The following RIMBP2 variants were observed in gnomAD, a reference collection of about 807,000 sequenced individuals.
RIMBP2 encodes the protein RIMS binding protein 2.
In RIMBP2, 48 loss-of-function variants were observed where a neutral mutation model predicts 118.6. The ratio of observed to expected loss-of-function variants is 0.40; its 90% CI spans 0.32 to 0.51. The LOEUF (loss-of-function observed/expected upper bound fraction) is 0.51, where lower values mean the gene tolerates loss of function less well. RIMBP2 is among the 20% of genes least tolerant of loss of function. RIMBP2 has a pLI of 0.41. For synonymous variants in RIMBP2, 762 were observed against 742.9 expected, an observed-to-expected ratio of 1.03 and a Z score of -0.42; for missense variants, 1,551 against 1,768.3, an observed-to-expected ratio of 0.88 and a Z score of 2.20.
chr12:130,630,123 A>T (rs1402043578), intron 1 of RIMBP2, among the ~76,000 whole-genome samples: 17 of 152,008 alleles, frequency 1.1e-4, no homozygotes, highest in Admixed American at 1.1e-3. Flanking sequence ...TTTTAATGGC[A>T]GATTTGGATG....
At chr12:130,624,534 A>G (rs1319804897) in intron 2 of RIMBP2, among the ~76,000 whole-genome samples, 1 of 152,148 alleles carries the variant, frequency 6.6e-6, no homozygotes, top group Non-Finnish European at 1.5e-5. Flanking sequence ...AAGAAACACC[A>G]AACTCTTCAT....
At chr12:130,545,684 C>G (rs2055064990) in intron 2 of RIMBP2, among the ~76,000 whole-genome samples, 1 of 152,120 alleles carries the variant, frequency 6.6e-6, no homozygotes, top group Non-Finnish European at 1.5e-5. Flanking sequence ...GAGCCGCCGT[C>G]GAGTGTCACG....
At chr12:130,713,250 GA>G (rs1950081880) in intron 1 of RIMBP2, among the ~76,000 whole-genome samples, 2 of 148,366 alleles carry the variant, frequency 1.3e-5, no homozygotes, top group Non-Finnish European at 3.0e-5. Flanking sequence ...AGGAAGGAAG[GA>G]AGGAAGGAAG....
chr12:130,587,134 A>G (rs2140274316), intron 2 of RIMBP2, among the ~76,000 whole-genome samples: 1 of 150,940 alleles, frequency 6.6e-6, no homozygotes, highest in East Asian at 2.0e-4. Context: ...ATGAGATACC[A>G]TCTCACACCA....
At position 130,461,112 on chromosome 12, in the gene RIMBP2, G is replaced by T. The variant is rs185821699; in HGVS notation, c.154-4412C>A. 1.8e-3 allele frequency among the ~76,000 whole-genome samples: 271 copies of T among 152,258 alleles called. 1 individual carries two copies. The highest frequency in any genetic ancestry group is 6.3e-3 in the African/African-American group (260 of 41,544). On this transcript the variant is annotated intron_variant, in intron 6 of 22. Coordinates refer to ENST00000690449, the MANE Select transcript of RIMBP2 (RefSeq NM_001393629.1). ...CCAGGCTCCACCCGTGACACTAGGG[G>T]TCACATTTCCACATGAGATGTGGAT... is the stretch of plus-strand genomic sequence containing the variant.
chr12:130,544,511 AC>A (rs779982710), intron 2 of RIMBP2, among the ~76,000 whole-genome samples: 1 of 151,182 alleles, frequency 6.6e-6, no homozygotes, highest in African/African-American at 2.4e-5. Context: ...GCATCTTAGC[AC>A]GCTGGTCATG....
At chr12:130,704,184 C>T (rs554121300) in intron 1 of RIMBP2, among the ~76,000 whole-genome samples, 5 of 152,156 alleles carry the variant, frequency 3.3e-5, no homozygotes, top group Non-Finnish European at 4.4e-5. Flanking sequence ...GGACGAGGAC[C>T]GAGGAGGCAG....
chr12:130,674,328 A>T (rs912698911), intron 1 of RIMBP2, among the ~76,000 whole-genome samples: 1 of 152,162 alleles, frequency 6.6e-6, no homozygotes, highest in East Asian at 1.9e-4. Context: ...ACCATGAGCC[A>T]ATTACGCCTC....
At chr12:130,589,949 G>A (rs1183898517) in intron 2 of RIMBP2, among the ~76,000 whole-genome samples, 2 of 152,114 alleles carry the variant, frequency 1.3e-5, no homozygotes, top group Non-Finnish European at 2.9e-5. Flanking sequence ...TGAGGCACTG[G>A]CACGGCCCCC....
chr12:130,433,961 G>T (rs1199410072), intron 14 of RIMBP2, among the ~76,000 whole-genome samples: 1 of 152,212 alleles, frequency 6.6e-6, no homozygotes, highest in South Asian at 2.1e-4. Flanking sequence ...GATGAAGAAC[G>T]TCATGGCCGG....
intron 3 of RIMBP2, among the ~76,000 whole-genome samples, chr12:130,515,800 C>T (rs377497918): frequency 2.0e-5 from 3 of 152,100 alleles, no homozygotes; most frequent in East Asian, 1.9e-4. Flanking sequence ...CAGGTTCAAG[C>T]GATTCTCCTG....
intron 2 of RIMBP2, among the ~76,000 whole-genome samples, chr12:130,571,894 C>T (rs1486996572): frequency 6.6e-6 from 1 of 152,158 alleles, no homozygotes; most frequent in Non-Finnish European, 1.5e-5. Context: ...GTACATGCTG[C>T]CCCTTCCCAC....
intron 2 of RIMBP2, among the ~76,000 whole-genome samples, chr12:130,599,695 G>T (rs1359202532): frequency 6.6e-6 from 1 of 152,052 alleles, no homozygotes; most frequent in East Asian, 1.9e-4. Flanking sequence ...TAAATAATTT[G>T]GCAATTAACT....
At chr12:130,613,297 G>A (rs554993608) in intron 2 of RIMBP2, among the ~76,000 whole-genome samples, 1 of 152,310 alleles carries the variant, frequency 6.6e-6, no homozygotes, top group Non-Finnish European at 1.5e-5. Context: ...CCCGCCAGAG[G>A]GCCAGTGGGC....
At chr12:130,664,413 A>ACGCACACGCACG (rs746938510) in intron 1 of RIMBP2, among the ~76,000 whole-genome samples, 50 of 121,294 alleles carry the variant, frequency 4.1e-4, no homozygotes, top group East Asian at 2.1e-3. Context: ...GCACGCACGC[A>ACGCACACGCACG]CACACACGCA....
At chr12:130,611,302 C>T (rs1335345566) in intron 2 of RIMBP2, among the ~76,000 whole-genome samples, 1 of 152,256 alleles carries the variant, frequency 6.6e-6, no homozygotes, top group South Asian at 2.1e-4. Context: ...GTGCCTGCCT[C>T]TCCAGGAGCC....
chr12:130,545,263 T>C (rs891358468), intron 2 of RIMBP2, among the ~76,000 whole-genome samples: 2 of 152,246 alleles, frequency 1.3e-5, no homozygotes, highest in South Asian at 2.1e-4. Context: ...AGACGCGTAA[T>C]TGCTGTCCCA....
chr12:130,497,312 C>T (rs978285115), intron 4 of RIMBP2, among the ~76,000 whole-genome samples: 2 of 152,214 alleles, frequency 1.3e-5, no homozygotes, highest in Non-Finnish European at 2.9e-5. Flanking sequence ...CTGCCTTCTG[C>T]TCCCTGGGCT....
chr12:130,507,944 G>T (rs1178962928), intron 3 of RIMBP2, among the ~76,000 whole-genome samples: 1 of 152,126 alleles, frequency 6.6e-6, no homozygotes, highest in Non-Finnish European at 1.5e-5. Flanking sequence ...GCACCCACTT[G>T]GCATTCCCAA....
Sources: gnomAD v4.1 joint callset for allele counts (sites outside exome capture counted in the v4.1 genomes callset) on GRCh38, gnomAD v4.1.1 for gene constraint, MANE v1.5 for transcripts, NCBI Gene and HGNC (gene_info 2026-07-23, HGNC 2026-07-21) for gene names.